The following COL22A1 variants were observed in gnomAD, a reference collection of about 807,000 sequenced individuals.
COL22A1 encodes collagen type XXII alpha 1 chain, also known as collagen alpha-1(XXII) chain.
Under a neutral mutation model 248.9 loss-of-function variants are expected in COL22A1, and 221 were observed. The observed-to-expected ratio is 0.89, with a 90% confidence interval of 0.80 to 0.99. The LOEUF (loss-of-function observed/expected upper bound fraction) is 0.99. Among genes scored for constraint, COL22A1 ranks in the 50% least tolerant of loss-of-function variants. COL22A1 has a pLI of 0.00. For synonymous variants in COL22A1, 891 were observed against 793.4 expected (o/e 1.12, Z -2.07); for missense variants, 2,240 against 2,179.0 (o/e 1.03, Z -0.56).
In COL22A1 at chr8:138,878,118, G is replaced by A. The variant is rs774502960; in HGVS notation, c.290C>T (p.Ser97Leu). 101 of 1,604,872 alleles carry A rather than the reference G, an allele frequency of 6.3e-5. No individual in the cohort carries two copies. Among genetic ancestry groups the A allele is most frequent in the Non-Finnish European group, 8.2e-5 (97 of 1,176,534 alleles). The change falls in exon 3 of 65, where the codon TCG becomes TTG. Residue 97 changes from serine to leucine, a missense_variant. Transcript: ENST00000303045. The part of the protein sequence containing the change: ...TTAFELGLFG[S>L]QEEVKAAARR... ...GGCAGCCGCCTTGACCTCCTCCTGCGAGCCAAAGAGTCCCAACTCGAAGGC... is the reference window on the plus strand; with the variant it reads ...GGCAGCCGCCTTGACCTCCTCCTGCAAGCCAAAGAGTCCCAACTCGAAGGC...
rs1818240257 is a variant in COL22A1, at chr8:138,811,687, A to T, written c.1449+112T>A. On this transcript the variant is annotated intron_variant, in intron 9 of 64. Transcript: ENST00000303045. ...ACAACACAGGGTGCTGTCAGCTGAC[A>T]GCCATGGGCCTCCTGGTGCCCCCCT... 2.4e-6 allele frequency: 3 copies of T among 1,261,984 alleles called. No homozygotes were observed. In the Admixed American group the frequency reaches 5.1e-5, roughly 22 times the overall value. The allele number at this position is 1,261,984 out of a possible 1,614,324, so 78.2% of individuals were successfully genotyped here. A position where few individuals can be genotyped will look rare whatever the true frequency, so the allele number is the denominator to read the frequency against.
chr8:138,709,665 A>T (rs1828785661), intron 30 of COL22A1, among the ~76,000 whole-genome samples: 1 of 151,596 alleles, frequency 6.6e-6, no homozygotes, highest in Non-Finnish European at 1.5e-5. Flanking sequence ...AAGTGATAGC[A>T]TTAGGAGATA....
intron 31 of COL22A1, among the ~76,000 whole-genome samples, chr8:138,701,893 A>G (rs1828005194): frequency 6.6e-6 from 1 of 152,230 alleles, no homozygotes; most frequent in African/African-American, 2.4e-5. Context: ...GAGTATCACT[A>G]TCTTTTCAAG....
chr8:138,755,809 C>T lies in COL22A1; in HGVS notation c.1923G>A (p.Gly641=), dbSNP rs751744303. 8.7e-6 allele frequency: 14 copies of T among 1,614,004 alleles called. No homozygotes were observed. Among genetic ancestry groups the T allele is most frequent in the South Asian group, 7.7e-5 (7 of 91,082 alleles). ...QGEKGDVGPA[G]PPGVPGSVVQ... Reference sequence around the variant, plus strand: ...CCACTGAGCCTGGTACACCAGGTGGCCCCGCAGGTCCCACGTCACCCTGCA... The same window carrying T: ...CCACTGAGCCTGGTACACCAGGTGGTCCCGCAGGTCCCACGTCACCCTGCA... The change falls in exon 19 of 65, where the codon GGG becomes GGA. Residue 641 remains glycine, a synonymous_variant. Transcript: ENST00000303045.
intron 1 of COL22A1, among the ~76,000 whole-genome samples, chr8:138,889,488 T>G (rs1824897449): frequency 6.6e-6 from 1 of 152,044 alleles, no homozygotes; most frequent in Non-Finnish European, 1.5e-5. Flanking sequence ...CCGCATGTTC[T>G]CACTCATAGA....
chr8:138,751,710 T>C (rs185470532), intron 21 of COL22A1, among the ~76,000 whole-genome samples, 199 bp from the exon 22 acceptor site: 18 of 152,362 alleles, frequency 1.2e-4, no homozygotes, highest in East Asian at 5.8e-4. Flanking sequence ...TGATTAAGTA[T>C]GTTGAGCAGT....
At chr8:138,693,516 A>G in intron 35 of COL22A1, 130 bp downstream of exon 35, 1 of 890,602 alleles carries the variant, frequency 1.1e-6, no homozygotes, top group Non-Finnish European at 1.8e-6. Flanking sequence ...CAACCACTCA[A>G]GTGTGGGTGA....
chr8:138,781,219 C>G (rs1247821088), intron 12 of COL22A1, among the ~76,000 whole-genome samples: 1 of 152,194 alleles, frequency 6.6e-6, no homozygotes, highest in Non-Finnish European at 1.5e-5. Context: ...CCCAGAAGAT[C>G]TGTATGCACC....
chr8:138,867,446 G>A (rs1468928292), intron 3 of COL22A1, among the ~76,000 whole-genome samples: 1 of 152,114 alleles, frequency 6.6e-6, no homozygotes, highest in African/African-American at 2.4e-5. Context: ...AAAATATTAA[G>A]TATGATAACA....
intron 3 of COL22A1, among the ~76,000 whole-genome samples, chr8:138,873,113 A>G (rs899906591): frequency 6.6e-6 from 1 of 152,180 alleles, no homozygotes. Flanking sequence ...AGGTTCCGAC[A>G]AAAGAAAGAC....
intron 7 of COL22A1, among the ~76,000 whole-genome samples, chr8:138,815,781 G>T (rs1239229714): frequency 2.0e-5 from 3 of 152,136 alleles, no homozygotes; most frequent in African/African-American, 7.2e-5. Context: ...ATGAATGGAT[G>T]GGCATTTATC....
intron 7 of COL22A1, among the ~76,000 whole-genome samples, chr8:138,813,290 G>A (rs964795527): frequency 4.1e-5 from 3 of 72,370 alleles, no homozygotes; most frequent in African/African-American, 1.3e-4. Flanking sequence ...ATGTGTTTCG[G>A]GAGGGACCCG....
At chr8:138,694,021 G>T (rs3936181) in intron 34 of COL22A1, among the ~76,000 whole-genome samples, 115,167 of 151,910 alleles carry the variant, frequency 0.76, 45,245 homozygotes, top group East Asian at 0.98. Flanking sequence ...TCCTACCATA[G>T]CACAGAGTCT....
At chr8:138,693,759 C>A in intron 34 of COL22A1, 60 bp from the exon 35 acceptor site, 1 of 1,509,730 alleles carries the variant, frequency 6.6e-7, no homozygotes. Context: ...TGTTTCCCCT[C>A]ACAGCAGGGA....
chr8:138,857,504 C>T (rs866777324), intron 3 of COL22A1, among the ~76,000 whole-genome samples: 57 of 152,264 alleles, frequency 3.7e-4, no homozygotes, highest in African/African-American at 1.2e-3. Context: ...ACCTGAGGCT[C>T]GGAGGGAATC....
chr8:138,634,737 T>C (rs1821002784), intron 49 of COL22A1, among the ~76,000 whole-genome samples: 1 of 152,054 alleles, frequency 6.6e-6, no homozygotes, highest in Admixed American at 6.5e-5. Flanking sequence ...AAAGCTCAAT[T>C]TGAAAAAAGA....
intron 49 of COL22A1, among the ~76,000 whole-genome samples, chr8:138,632,321 T>C (rs1820791598): frequency 6.6e-6 from 1 of 152,068 alleles, no homozygotes; most frequent in Non-Finnish European, 1.5e-5. Flanking sequence ...CTTTGTAAAA[T>C]GAAGGAAAAG....
rs528749853 is a variant in COL22A1, at chr8:138,722,241, C to T, written c.2248-152G>A. On this transcript the variant is annotated intron_variant, in intron 25 of 64. Transcript: ENST00000303045. ...GATTAGCAGGGCCCTGTCTCCAGAG[C>T]GACTGTGGTCTCTGTCTGACCACAT... 7.0e-5 allele frequency: 44 copies of T among 624,690 alleles called. No individual in the cohort carries two copies. The Middle Eastern group carries it at 2.6e-3, about 37-fold the overall frequency. 38.7% of individuals were successfully genotyped at this position (624,690 alleles called of 1,614,324 possible).
chr8:138,700,845 C>T (rs1287368777), intron 31 of COL22A1, among the ~76,000 whole-genome samples: 4 of 152,006 alleles, frequency 2.6e-5, no homozygotes, highest in Admixed American at 2.6e-4. Flanking sequence ...ATTAGCTAGG[C>T]GTGATGCCGG....
Sources: gnomAD v4.1 joint callset for allele counts (sites outside exome capture counted in the v4.1 genomes callset) on GRCh38, gnomAD v4.1.1 for gene constraint, MANE v1.5 for transcripts, NCBI Gene and HGNC (gene_info 2026-07-23, HGNC 2026-07-21) for gene names.